Variants in P3H2 observed in about 807,000 individuals in gnomAD.
P3H2 encodes prolyl 3-hydroxylase 2, also known as leprecan-like 1.
Under a neutral mutation model 87.0 loss-of-function variants are expected in P3H2, and 80 were observed. The ratio of observed to expected loss-of-function variants is 0.92; its 90% CI spans 0.77 to 1.11. The LOEUF is 1.11. Ranked by LOEUF, P3H2 falls within the 50% of genes least tolerant of loss-of-function variation. The pLI is 0.00. For synonymous variants in P3H2, 367 were observed against 359.3 expected (o/e 1.02, Z -0.24); for missense variants, 1,001 against 923.9 (o/e 1.08, Z -1.08).
chr3:190,087,259 GGGTGCGGT>G (rs1360461178), intron 1 of P3H2, among the ~76,000 whole-genome samples: 2 of 152,078 alleles, frequency 1.3e-5, no homozygotes, highest in Non-Finnish European at 2.9e-5. Context: ...TCAAGAGGCC[GGGTGCGGT>G]GGCTCACGCC....
chr3:190,088,763 GA>G (rs1324532073), intron 1 of P3H2, among the ~76,000 whole-genome samples: 1 of 152,134 alleles, frequency 6.6e-6, no homozygotes, highest in Non-Finnish European at 1.5e-5. Flanking sequence ...GAAACTTAAT[GA>G]GATTAATTCT....
chr3:190,114,390 G>A (rs1360758933), intron 1 of P3H2, among the ~76,000 whole-genome samples: 1 of 151,754 alleles, frequency 6.6e-6, no homozygotes, highest in Non-Finnish European at 1.5e-5. Context: ...GTTTCACCGT[G>A]TTAGCCAGGA....
At chr3:190,106,823 G>C (rs1463402917) in intron 1 of P3H2, among the ~76,000 whole-genome samples, 1 of 152,108 alleles carries the variant, frequency 6.6e-6, no homozygotes, top group Non-Finnish European at 1.5e-5. Flanking sequence ...AATCTTTCAG[G>C]CTTCAGTATC....
chr3:189,998,541 C>T (rs562406379), intron 1 of P3H2, among the ~76,000 whole-genome samples: 7 of 152,262 alleles, frequency 4.6e-5, no homozygotes, highest in African/African-American at 1.7e-4. Flanking sequence ...CTGGTACTTA[C>T]CATTCTGTAC....
chr3:190,021,807 A>C (rs1331206955), intron 1 of P3H2, among the ~76,000 whole-genome samples: 1 of 134,814 alleles, frequency 7.4e-6, no homozygotes, highest in Non-Finnish European at 1.7e-5. Context: ...TTAAAAAATA[A>C]GCATCTCTGA....
intron 1 of P3H2, among the ~76,000 whole-genome samples, chr3:190,068,996 C>T (rs185869803): frequency 6.5e-4 from 99 of 152,178 alleles, no homozygotes; most frequent in African/African-American, 2.3e-3. Context: ...CACTGAAAAA[C>T]CACAGAAAAA....
chr3:190,064,106 C>T (rs1726419642), intron 1 of P3H2, among the ~76,000 whole-genome samples: 3 of 150,666 alleles, frequency 2.0e-5, no homozygotes, highest in Admixed American at 2.0e-4. Context: ...ATCCTCCTGC[C>T]TCAGCCTCCC....
chr3:190,080,386 G>A (rs755150673), intron 1 of P3H2, among the ~76,000 whole-genome samples: 3 of 151,914 alleles, frequency 2.0e-5, no homozygotes, highest in Non-Finnish European at 4.4e-5. Context: ...AAATTTGAGT[G>A]CTTTTTTCTT....
rs1723794011 is a variant in P3H2, at chr3:189,988,987, G to C, written c.875C>G (p.Ala292Gly). 2 of 1,614,020 alleles carry C rather than the reference G, an allele frequency of 1.2e-6. No homozygotes were observed. Among genetic ancestry groups the C allele is most frequent in the Non-Finnish European group, 1.7e-6 (2 of 1,179,998 alleles). Residue 292 changes from alanine to glycine, a missense_variant, in exon 4 of 15, where the codon GCC (alanine) becomes GGC (glycine). Physicochemically the swap from Ala to Gly is moderately conservative, Grantham distance 60. Transcript: ENST00000319332. The stretch of plus-strand genomic sequence containing the variant: ...GGGAGAGAGGCGGCCAGGGCGGGTG[G>C]CAAGTTCCCTCACACATTCATGCTG... ...VCQHECVRELATRPGRLSPIE... is the reference protein window; with the variant it reads ...VCQHECVRELGTRPGRLSPIE...
intron 1 of P3H2, among the ~76,000 whole-genome samples, chr3:190,070,090 A>G (rs1185040238): frequency 1.3e-5 from 2 of 152,138 alleles, no homozygotes; most frequent in Non-Finnish European, 2.9e-5. Flanking sequence ...AACTGATGAC[A>G]TAGGAAAACA....
At chr3:190,025,331 T>G (rs1472049913) in intron 1 of P3H2, among the ~76,000 whole-genome samples, 2 of 152,208 alleles carry the variant, frequency 1.3e-5, no homozygotes. Flanking sequence ...AGCTGCATTA[T>G]CCCTCAATTA....
At chr3:189,998,385 AGAGAAT>A (rs1308581985) in intron 1 of P3H2, among the ~76,000 whole-genome samples, 3 of 152,202 alleles carry the variant, frequency 2.0e-5, no homozygotes, top group Non-Finnish European at 2.9e-5. Context: ...CCACTGACTT[AGAGAAT>A]CTTTGTCCCT....
chr3:190,036,278 C>A (rs960096327), intron 1 of P3H2, among the ~76,000 whole-genome samples: 2 of 152,132 alleles, frequency 1.3e-5, no homozygotes, highest in Admixed American at 6.5e-5. Flanking sequence ...CCTAATGATG[C>A]ATTCCACATA....
At chr3:190,018,551 A>G (rs918269499) in intron 1 of P3H2, among the ~76,000 whole-genome samples, 1 of 152,030 alleles carries the variant, frequency 6.6e-6, no homozygotes, top group African/African-American at 2.4e-5. Flanking sequence ...TCTATAAAAA[A>G]TTTAAAAATT....
At chr3:190,009,884 C>G (rs1312171547) in intron 1 of P3H2, among the ~76,000 whole-genome samples, 1 of 152,106 alleles carries the variant, frequency 6.6e-6, no homozygotes, top group South Asian at 2.1e-4. Context: ...TTGCTCCTTG[C>G]CCCATGTGAG....
intron 1 of P3H2, among the ~76,000 whole-genome samples, chr3:190,100,453 A>G (rs975852955): frequency 9.2e-5 from 14 of 152,126 alleles, no homozygotes; most frequent in African/African-American, 3.4e-4. Context: ...GTTTAGTAGC[A>G]TTTAATAAAT....
chr3:190,085,777 C>A (rs759168821), intron 1 of P3H2, among the ~76,000 whole-genome samples: 1 of 151,974 alleles, frequency 6.6e-6, no homozygotes. Context: ...TAATATAGAT[C>A]AAAAAATCAT....
chr3:190,007,532 G>C (rs891759477), intron 1 of P3H2, among the ~76,000 whole-genome samples: 5 of 152,046 alleles, frequency 3.3e-5, no homozygotes, highest in Admixed American at 6.6e-5. Context: ...ATCGAGCAAA[G>C]TCTTCACTTG....
chr3:190,068,607 T>A (rs974421212), intron 1 of P3H2, among the ~76,000 whole-genome samples: 8 of 152,316 alleles, frequency 5.3e-5, no homozygotes, highest in Admixed American at 4.6e-4. Flanking sequence ...TAAATCTATG[T>A]AGGAGATTTG....
Sources: allele counts gnomAD v4.1 joint callset (sites outside exome capture counted in the v4.1 genomes callset), GRCh38; gene constraint gnomAD v4.1.1; transcripts MANE v1.5; gene names NCBI Gene and HGNC (gene_info 2026-07-23, HGNC 2026-07-21).